SGCZ: variants seen among roughly 807,000 people sequenced by gnomAD.
The protein encoded by SGCZ is zeta-sarcoglycan.
A neutral mutation model predicts 41.3 loss-of-function variants in SGCZ; 40 were observed. The observed-to-expected ratio is 0.97, with a 90% CI of 0.75 to 1.26. SGCZ has a LOEUF of 1.26. SGCZ is among the 50% of genes most tolerant of loss of function. The pLI is 0.00. For synonymous variants in SGCZ, 206 were observed against 137.5 expected (o/e 1.50, Z -3.49); for missense variants, 552 against 369.8 (o/e 1.49, Z -4.04).
chr8:14,473,857 G>T (rs761438337), intron 2 of SGCZ, among the ~76,000 whole-genome samples: 1 of 149,780 alleles, frequency 6.7e-6, no homozygotes, highest in South Asian at 2.1e-4. Flanking sequence ...AGAACGGTGT[G>T]AACTCAGGAG....
intron 1 of SGCZ, among the ~76,000 whole-genome samples, chr8:15,026,716 T>C (rs1803471728): frequency 6.6e-6 from 1 of 152,158 alleles, no homozygotes; most frequent in Non-Finnish European, 1.5e-5. Flanking sequence ...AGTTATTGTC[T>C]CCATGAACAA....
chr8:14,708,271 T>G (rs145641252), intron 1 of SGCZ, among the ~76,000 whole-genome samples: 2 of 152,074 alleles, frequency 1.3e-5, no homozygotes, highest in Admixed American at 1.3e-4. Context: ...ACGTTAGGTA[T>G]GCAGTTGTGC....
intron 1 of SGCZ, among the ~76,000 whole-genome samples, chr8:14,925,335 T>C (rs571135790): frequency 6.6e-6 from 1 of 152,370 alleles, no homozygotes; most frequent in South Asian, 2.1e-4. Flanking sequence ...TATTAATATG[T>C]TAATTTCTTA....
At chr8:14,991,983 T>C (rs1343406739) in intron 1 of SGCZ, among the ~76,000 whole-genome samples, 2 of 149,916 alleles carry the variant, frequency 1.3e-5, no homozygotes, top group African/African-American at 4.9e-5. Context: ...CCAAAACTAG[T>C]ATTGCCATTG....
At chr8:14,169,256 C>T (rs1276995900) in intron 4 of SGCZ, among the ~76,000 whole-genome samples, 1 of 152,140 alleles carries the variant, frequency 6.6e-6, no homozygotes, top group Non-Finnish European at 1.5e-5. Flanking sequence ...TATGTTGACT[C>T]TTCCTTCCTC....
chr8:14,842,572 A>G (rs1802961890), intron 1 of SGCZ, among the ~76,000 whole-genome samples: 1 of 152,124 alleles, frequency 6.6e-6, no homozygotes, highest in South Asian at 2.1e-4. Flanking sequence ...CACACAGAAC[A>G]TAGGGCAGAG....
chr8:14,282,776 C>A (rs1484772967), intron 3 of SGCZ, among the ~76,000 whole-genome samples: 1 of 151,426 alleles, frequency 6.6e-6, no homozygotes, highest in East Asian at 1.9e-4. Context: ...ATTAGCTCTT[C>A]TGGCTCTACA....
chr8:14,882,608 C>CA (rs775140207), intron 1 of SGCZ, among the ~76,000 whole-genome samples: 2 of 152,168 alleles, frequency 1.3e-5, no homozygotes, highest in Non-Finnish European at 2.9e-5. Context: ...ATTAACCAAT[C>CA]ACTCAGATAG....
At chr8:14,434,061 G>GT in intron 2 of SGCZ, among the ~76,000 whole-genome samples, 1 of 152,232 alleles carries the variant, frequency 6.6e-6, no homozygotes, top group Non-Finnish European at 1.5e-5. Flanking sequence ...GTGTAGAAGG[G>GT]TTTTTCCGAT....
intron 1 of SGCZ, among the ~76,000 whole-genome samples, chr8:14,701,085 G>A (rs1245020900): frequency 6.6e-6 from 1 of 151,982 alleles, no homozygotes; most frequent in Non-Finnish European, 1.5e-5. Flanking sequence ...GTTGCGGAAG[G>A]ATAAGATGGA....
At chr8:15,072,443 A>G (rs977743467) in intron 1 of SGCZ, among the ~76,000 whole-genome samples, 2 of 152,218 alleles carry the variant, frequency 1.3e-5, no homozygotes, top group Non-Finnish European at 2.9e-5. Context: ...ATTTCATCCT[A>G]GTGGTTAAAG....
intron 1 of SGCZ, among the ~76,000 whole-genome samples, chr8:14,938,583 T>C (rs1026639802): frequency 6.6e-6 from 1 of 152,168 alleles, no homozygotes; most frequent in African/African-American, 2.4e-5. Context: ...ATTTATGTTA[T>C]TGGTAAAGCT....
chr8:14,402,759 C>T (rs1380759112), intron 2 of SGCZ, among the ~76,000 whole-genome samples: 2 of 146,708 alleles, frequency 1.4e-5, no homozygotes, highest in Non-Finnish European at 2.9e-5. Flanking sequence ...TTAGGATTGA[C>T]TTGGCCATGC....
At chr8:14,284,941 T>G (rs1800572439) in intron 3 of SGCZ, among the ~76,000 whole-genome samples, 1 of 152,202 alleles carries the variant, frequency 6.6e-6, no homozygotes, top group African/African-American at 2.4e-5. Context: ...CTAGCATTAT[T>G]TAATTCTATG....
At chr8:14,899,575 T>C (rs1426213704) in intron 1 of SGCZ, among the ~76,000 whole-genome samples, 1 of 152,158 alleles carries the variant, frequency 6.6e-6, no homozygotes, top group African/African-American at 2.4e-5. Context: ...CACTTCCCAC[T>C]GCACAGGCAA....
At chr8:14,214,722 C>A (rs1245112756) in intron 4 of SGCZ, among the ~76,000 whole-genome samples, 1 of 151,680 alleles carries the variant, frequency 6.6e-6, no homozygotes, top group Non-Finnish European at 1.5e-5. Context: ...GCAGGAATAT[C>A]TATGAGTATT....
chr8:14,223,153 A>T (rs918495282), intron 4 of SGCZ, among the ~76,000 whole-genome samples: 12 of 152,186 alleles, frequency 7.9e-5, no homozygotes, highest in African/African-American at 2.6e-4. Flanking sequence ...ACATCGAATT[A>T]TCACAGATAT....
intron 4 of SGCZ, among the ~76,000 whole-genome samples, chr8:14,176,499 G>C (rs1393825479): frequency 1.3e-5 from 2 of 152,180 alleles, no homozygotes; most frequent in Admixed American, 1.3e-4. Flanking sequence ...TACCAAGTCA[G>C]TACTGACAAA....
chr8:14,937,557 T>C (rs560250820), intron 1 of SGCZ, among the ~76,000 whole-genome samples: 1 of 151,962 alleles, frequency 6.6e-6, no homozygotes, highest in African/African-American at 2.4e-5. Context: ...GAAGAAAAAT[T>C]TGAGAGGGAA....
Sources: gnomAD v4.1 joint callset for allele counts (sites outside exome capture counted in the v4.1 genomes callset) on GRCh38, gnomAD v4.1.1 for gene constraint, MANE v1.5 for transcripts, NCBI Gene and HGNC (gene_info 2026-07-23, HGNC 2026-07-21) for gene names.